Variants in ATM observed in about 807,000 individuals in gnomAD.
The protein encoded by ATM is ATM serine/threonine kinase.
In ATM, 308 loss-of-function variants were observed where a neutral mutation model predicts 387.0. The ratio of observed to expected loss-of-function variants is 0.80; its 90% CI spans 0.73 to 0.87. ATM has a LOEUF of 0.87. Among genes scored for constraint, ATM ranks in the 40% least tolerant of loss-of-function variants. ATM has a pLI of 0.00. For synonymous variants in ATM, 1,156 were observed against 1,187.3 expected (o/e 0.97, Z 0.54); for missense variants, 3,312 against 3,560.9 (o/e 0.93, Z 1.78).
At chr11:108,260,788 G>A (rs1258051549) in intron 16 of ATM, among the ~76,000 whole-genome samples, 9 of 152,192 alleles carry the variant, frequency 5.9e-5, no homozygotes, top group South Asian at 2.1e-4. Context: ...TGTGCGCACC[G>A]TGCGCGAGCC....
At chr11:108,332,594 T>C (rs1186404308) in intron 52 of ATM, among the ~76,000 whole-genome samples, 168 bp from the exon 53 acceptor site, 3 of 152,190 alleles carry the variant, frequency 2.0e-5, no homozygotes, top group African/African-American at 7.2e-5. Flanking sequence ...AGAGTATGTA[T>C]CTTTGATGTA....
intron 33 of ATM, 68 bp from the exon 34 acceptor site, chr11:108,299,646 T>C (rs3092906): frequency 5.3e-6 from 8 of 1,497,580 alleles, no homozygotes; most frequent in East Asian, 4.5e-5. Context: ...GTTTTGAAAT[T>C]AGAAAATTTC....
chr11:108,310,378 A>G (rs2084048435), intron 39 of ATM, 63 bp downstream of exon 39: 14 of 1,482,316 alleles, frequency 9.4e-6, no homozygotes, highest in Non-Finnish European at 1.3e-5. Context: ...ATAAGGGTAT[A>G]TAGTAAAGAT....
chr11:108,324,318 C>T (rs1591122991), intron 45 of ATM, among the ~76,000 whole-genome samples: 2 of 152,226 alleles, frequency 1.3e-5, no homozygotes, highest in African/African-American at 2.4e-5. Flanking sequence ...AACCAATTTT[C>T]TGCAGATACA....
chr11:108,297,230 A>G (rs2135859635), intron 32 of ATM, 57 bp from the exon 33 acceptor site: 1 of 1,423,428 alleles, frequency 7.0e-7, no homozygotes. Context: ...ATGCAATTAT[A>G]AACAAAAGTG....
At chr11:108,259,181 T>A in intron 16 of ATM, 106 bp downstream of exon 16, 1 of 976,864 alleles carries the variant, frequency 1.0e-6, no homozygotes. Flanking sequence ...ATATAGCTCT[T>A]AACATTTTTA....
chr11:108,321,394 G>A lies in ATM; in HGVS notation c.6546G>A (p.Leu2182=), dbSNP rs756551824. The part of the protein sequence containing the change: ...TLSRLQAIGE[L]ESIGELFSRS... ...GCAGGTTGCAGGCCATTGGAGAGCT[G>A]GAAAGCATTGGGGAGCTTTTCTCAA... Residue 2182 remains leucine, a synonymous_variant, in exon 45 of 63, where the codon CTG becomes CTA. Coordinates refer to ENST00000675843, the MANE Select transcript of ATM (RefSeq NM_000051.4). The A allele has an allele frequency of 1.9e-6, 3 of 1,614,172 alleles. No homozygotes were observed. In the South Asian group the frequency reaches 3.3e-5, roughly 18 times the overall value.
At chr11:108,357,773 T>A (rs1040172269) in intron 61 of ATM, among the ~76,000 whole-genome samples, 1 of 151,998 alleles carries the variant, frequency 6.6e-6, no homozygotes, top group South Asian at 2.1e-4. Flanking sequence ...AGAAAGGATA[T>A]CCACACCAAA....
At chr11:108,349,513 A>T (rs943481677) in intron 59 of ATM, among the ~76,000 whole-genome samples, 1 of 152,168 alleles carries the variant, frequency 6.6e-6, no homozygotes, top group Non-Finnish European at 1.5e-5. Flanking sequence ...AATACAAAAA[A>T]TTAGCCGGGC....
rs754664818 is a variant in ATM, at chr11:108,368,894, T to A, written c.*3386T>A. 2.1e-4 allele frequency: 41 copies of A among 199,710 alleles called. No homozygotes were observed. The highest frequency in any genetic ancestry group is 7.8e-4 in the Admixed American group (13 of 16,602). 12.4% of individuals were successfully genotyped at this position (199,710 alleles called of 1,614,324 possible). Reference sequence around the variant, plus strand: ...CAAATAAAAGCAAAGAGGAAAAACTTTGGACAGCGTAAAGACTAGAATAGT... The same window carrying A: ...CAAATAAAAGCAAAGAGGAAAAACTATGGACAGCGTAAAGACTAGAATAGT... On this transcript the variant is annotated 3_prime_UTR_variant, in exon 63 of 63. Coordinates refer to ENST00000675843, the MANE Select transcript of ATM (RefSeq NM_000051.4).
chr11:108,276,556 C>T (rs1307763545), intron 22 of ATM, among the ~76,000 whole-genome samples: 1 of 152,178 alleles, frequency 6.6e-6, no homozygotes, highest in African/African-American at 2.4e-5. Context: ...GTGTGGACAT[C>T]CTTTTTGTTG....
At chr11:108,246,868 C>T (rs1442452147) in intron 7 of ATM, 96 bp from the exon 8 acceptor site, 10 of 1,006,960 alleles carry the variant, frequency 9.9e-6, no homozygotes, top group Non-Finnish European at 1.4e-5. Context: ...TGTCTTCTAA[C>T]GCTGATGCAG....
chr11:108,312,464 A>G lies in ATM; in HGVS notation c.5972A>G (p.Glu1991Gly), dbSNP rs866824608. The G allele has an allele frequency of 6.3e-7, 1 of 1,593,406 alleles. No homozygotes were observed. Among genetic ancestry groups the G allele is most frequent in the African/African-American group, 1.3e-5 (1 of 74,522 alleles). The change falls in exon 40 of 63, where the codon GAA becomes GGA. Residue 1991 changes from glutamate (E) to glycine (G), a missense_variant. Glu to Gly is a moderately conservative substitution (Grantham distance 98). Transcript: ENST00000675843. Reference protein sequence around the residue: ...SQSTTISSLSEKSKEETGISL... With the variant: ...SQSTTISSLSGKSKEETGISL... ...AGTACAACTATTTCTAGCTTGAGTG[A>G]AAAAAGTAAAGAAGAAACTGGAATA...
chr11:108,359,850 A>G (rs1482946759), intron 61 of ATM, among the ~76,000 whole-genome samples: 2 of 152,196 alleles, frequency 1.3e-5, no homozygotes, highest in East Asian at 3.8e-4. Flanking sequence ...AGCAGGAAAG[A>G]TCCAAAACTG....
At chr11:108,241,738 C>CTTTTTTTTTTTT (rs1235260816) in intron 5 of ATM, among the ~76,000 whole-genome samples, 3 of 82,090 alleles carry the variant, frequency 3.7e-5, no homozygotes, top group East Asian at 3.2e-4. Flanking sequence ...GTCTTTCTTT[C>CTTTTTTTTTTTT]TTTCTTTTTT....
intron 4 of ATM, among the ~76,000 whole-genome samples, chr11:108,234,944 T>A (rs539535588): frequency 6.6e-6 from 1 of 152,196 alleles, no homozygotes; most frequent in Non-Finnish European, 1.5e-5. Context: ...TGTAATCTTA[T>A]GTTATTCTAA....
At chr11:108,246,464 C>G (rs974619340) in intron 7 of ATM, among the ~76,000 whole-genome samples, 1 of 152,140 alleles carries the variant, frequency 6.6e-6, no homozygotes, top group Non-Finnish European at 1.5e-5. Flanking sequence ...GTTTCGCATA[C>G]TAGTCAAGCC....
intron 6 of ATM, 102 bp downstream of exon 6, chr11:108,244,220 C>A: frequency 7.5e-7 from 1 of 1,338,696 alleles, no homozygotes; most frequent in Non-Finnish European, 1.0e-6. Flanking sequence ...TAAAATAAAA[C>A]ATTGATCCAT....
In ATM at chr11:108,236,176, T is replaced by C. The variant is rs1034324132; in HGVS notation, c.496+342T>C. 8.7e-5 allele frequency: 28 copies of C among 322,074 alleles called. 1 individual carries two copies. Among genetic ancestry groups the C allele is most frequent in the South Asian group, 7.0e-4 (25 of 35,694 alleles). The allele number at this position is 322,074 out of a possible 1,614,324, so 20.0% of individuals were successfully genotyped here. A position where few individuals can be genotyped will look rare whatever the true frequency, so the allele number is the denominator to read the frequency against. On this transcript the variant is annotated intron_variant, in intron 5 of 62. Coordinates refer to ENST00000675843, the MANE Select transcript of ATM (RefSeq NM_000051.4). ...CAGACATATTTGGGTTCAGTAGGTATACAAAACAATGACACCTAAACTCAA... is the reference window on the plus strand; with the variant it reads ...CAGACATATTTGGGTTCAGTAGGTACACAAAACAATGACACCTAAACTCAA...
Sources: allele counts gnomAD v4.1 joint callset (sites outside exome capture counted in the v4.1 genomes callset), GRCh38; gene constraint gnomAD v4.1.1; transcripts MANE v1.5; gene names NCBI Gene and HGNC (gene_info 2026-07-23, HGNC 2026-07-21).